Variants in PEX14 observed in about 807,000 individuals in gnomAD.
PEX14 encodes the protein peroxisomal membrane protein PEX14.
A neutral mutation model predicts 49.5 loss-of-function variants in PEX14; 15 were observed. The ratio of observed to expected loss-of-function variants is 0.30; its 90% CI spans 0.20 to 0.47. PEX14 has a LOEUF of 0.47. PEX14 is among the 20% of genes least tolerant of loss of function. The pLI, the probability that PEX14 is intolerant of heterozygous loss-of-function variation, is 1.00. For missense variants in PEX14, 398 were observed against 494.8 expected (o/e 0.80, Z 1.86); for synonymous variants, 210 against 212.7 (o/e 0.99, Z 0.11).
At chr1:10,591,677 G>GT (rs1557862671) in intron 3 of PEX14, among the ~76,000 whole-genome samples, 22 of 149,932 alleles carry the variant, frequency 1.5e-4, no homozygotes, top group Admixed American at 2.7e-4. Context: ...GTGTGTGTGT[G>GT]GACTTCTCTG....
intron 2 of PEX14, among the ~76,000 whole-genome samples, chr1:10,526,078 C>T (rs1638469169): frequency 6.6e-6 from 1 of 151,788 alleles, no homozygotes; most frequent in Admixed American, 6.6e-5. Context: ...CGTGCTGCCA[C>T]ACCCGGCTAA....
chr1:10,590,194 C>G (rs550306613), intron 3 of PEX14, among the ~76,000 whole-genome samples: 1 of 152,112 alleles, frequency 6.6e-6, no homozygotes, highest in Non-Finnish European at 1.5e-5. Flanking sequence ...GCCACAAAAC[C>G]GTGAGCCTGC....
chr1:10,617,575 TCTCTA>T (rs1201025986), intron 4 of PEX14, among the ~76,000 whole-genome samples: 1 of 151,906 alleles, frequency 6.6e-6, no homozygotes, highest in Non-Finnish European at 1.5e-5. Context: ...GCAGCTCTCC[TCTCTA>T]GTCAGGCCCA....
intron 2 of PEX14, among the ~76,000 whole-genome samples, chr1:10,504,715 C>T (rs950957217): frequency 6.7e-6 from 1 of 148,158 alleles, no homozygotes; most frequent in Non-Finnish European, 1.5e-5. Context: ...GATTCCTTTT[C>T]CTTTTCCTTT....
At chr1:10,528,018 G>A (rs1457720574) in intron 2 of PEX14, among the ~76,000 whole-genome samples, 1 of 152,194 alleles carries the variant, frequency 6.6e-6, no homozygotes, top group East Asian at 1.9e-4. Flanking sequence ...TTTGTGCAGA[G>A]TGTGGGTTGA....
At chr1:10,562,953 C>T (rs1170992046) in intron 3 of PEX14, among the ~76,000 whole-genome samples, 2 of 150,478 alleles carry the variant, frequency 1.3e-5, no homozygotes, top group Non-Finnish European at 3.0e-5. Flanking sequence ...TCTCTGTCGC[C>T]CAGGGTGGAG....
At chr1:10,577,069 T>A (rs1325786514) in intron 3 of PEX14, among the ~76,000 whole-genome samples, 1 of 151,984 alleles carries the variant, frequency 6.6e-6, no homozygotes, top group Non-Finnish European at 1.5e-5. Flanking sequence ...TTATCAACTT[T>A]AATATGTACA....
chr1:10,475,062 G>A (rs1212939649), intron 1 of PEX14, 60 bp downstream of exon 1: 17 of 1,514,274 alleles, frequency 1.1e-5, no homozygotes, highest in Non-Finnish European at 1.4e-5. Flanking sequence ...GGGGCGCTCA[G>A]CATACGGCTG....
chr1:10,479,629 A>G (rs1320141179), intron 1 of PEX14, among the ~76,000 whole-genome samples: 1 of 152,214 alleles, frequency 6.6e-6, no homozygotes, highest in African/African-American at 2.4e-5. Flanking sequence ...CAGAAGGTAG[A>G]TTTCCTATCT....
At chr1:10,605,534 C>A (rs1324731495) in intron 4 of PEX14, among the ~76,000 whole-genome samples, 2 of 152,200 alleles carry the variant, frequency 1.3e-5, no homozygotes, top group African/African-American at 4.8e-5. Flanking sequence ...ATAAGGTAGA[C>A]CCAAGGTGTC....
chr1:10,489,322 C>T (rs1216204078), intron 1 of PEX14, among the ~76,000 whole-genome samples: 1 of 152,158 alleles, frequency 6.6e-6, no homozygotes, highest in Non-Finnish European at 1.5e-5. Context: ...ATTGTGAGTT[C>T]AGTATTGTTG....
At chr1:10,525,343 C>T (rs1192301335) in intron 2 of PEX14, among the ~76,000 whole-genome samples, 1 of 152,058 alleles carries the variant, frequency 6.6e-6, no homozygotes, top group African/African-American at 2.4e-5. Flanking sequence ...AGACATTTTC[C>T]TCATCTGCGT....
chr1:10,548,644 A>G (rs563288261), intron 3 of PEX14, among the ~76,000 whole-genome samples: 10 of 152,208 alleles, frequency 6.6e-5, no homozygotes, highest in South Asian at 6.2e-4. Flanking sequence ...TTTGTATGTG[A>G]TGGTGTGCTT....
chr1:10,619,995 G>A (rs1183408816), intron 5 of PEX14, among the ~76,000 whole-genome samples: 1 of 152,100 alleles, frequency 6.6e-6, no homozygotes, highest in African/African-American at 2.4e-5. Context: ...GGCACCTGCA[G>A]TCCCAGCTAC....
chr1:10,483,622 GT>G (rs1181130218), intron 1 of PEX14, among the ~76,000 whole-genome samples: 2 of 151,232 alleles, frequency 1.3e-5, no homozygotes, highest in African/African-American at 4.9e-5. Flanking sequence ...GCCTGGCCAA[GT>G]TTTTTTTTAG....
rs768019140 is a variant in PEX14, at chr1:10,536,278, A to G, written c.150A>G (p.Arg50=). ...GCCAGAGCCCACTTGCAACCAGGAG[A>G]GCATTCCTAAAGAAGAAAGGTACAG... The part of the protein sequence containing the change: ...RVRQSPLATR[R]AFLKKKGLTD... The change falls in exon 3 of 9, where the codon AGA becomes AGG. Residue 50 remains arginine (R), a synonymous_variant. Transcript: ENST00000356607. 1 of 1,607,366 alleles carries G rather than the reference A, an allele frequency of 6.2e-7. No individual in the cohort carries two copies. Among genetic ancestry groups the G allele is most frequent in the Non-Finnish European group, 8.5e-7 (1 of 1,173,822 alleles).
rs147208801 is a variant in PEX14 at position 10,627,015 on chromosome 1, C to T, written c.586-257C>T. Among the ~76,000 whole-genome samples, 1,696 of 152,310 alleles carry T rather than the reference C, an allele frequency of 0.011. 19 individuals carry two copies. The highest frequency in any genetic ancestry group is 0.034 in the Middle Eastern group (10 of 294). On this transcript the variant is annotated intron_variant, in intron 7 of 8. Transcript: ENST00000356607. ...TCCGCATGTCTCTAAAAGACGCCCA[C>T]GATACCATTATGTCACCTAAAAACA...
intron 2 of PEX14, among the ~76,000 whole-genome samples, chr1:10,523,675 G>A (rs1638371846): frequency 6.6e-6 from 1 of 151,782 alleles, no homozygotes; most frequent in Non-Finnish European, 1.5e-5. Flanking sequence ...TGGCTTATCA[G>A]CAAGTTCAGA....
intron 2 of PEX14, among the ~76,000 whole-genome samples, chr1:10,530,024 C>T (rs1041542028): frequency 1.3e-5 from 2 of 152,152 alleles, no homozygotes; most frequent in East Asian, 1.9e-4. Flanking sequence ...AGGAGGCTAC[C>T]TGAGTACAAC....
Sources: gnomAD v4.1 joint callset for allele counts (sites outside exome capture counted in the v4.1 genomes callset) on GRCh38, gnomAD v4.1.1 for gene constraint, MANE v1.5 for transcripts, NCBI Gene and HGNC (gene_info 2026-07-23, HGNC 2026-07-21) for gene names.